PRKACB: variants seen among roughly 807,000 people sequenced by gnomAD.
PRKACB encodes the protein cAMP-dependent protein kinase catalytic subunit beta.
A neutral mutation model predicts 51.4 loss-of-function variants in PRKACB; 16 were observed. The ratio of observed to expected loss-of-function variants is 0.31; its 90% confidence interval spans 0.21 to 0.47. The LOEUF (loss-of-function observed/expected upper bound fraction) is 0.47. Among genes scored for constraint, PRKACB ranks in the 20% least tolerant of loss-of-function variants. The pLI is 1.00. For missense variants in PRKACB, 309 were observed against 464.5 expected, an observed-to-expected ratio of 0.67 and a Z score of 3.08; for synonymous variants, 147 against 154.4, an observed-to-expected ratio of 0.95 and a Z score of 0.35.
chr1:84,202,968 C>A (rs1670561339), intron 8 of PRKACB, among the ~76,000 whole-genome samples, 163 bp downstream of exon 8: 1 of 151,730 alleles, frequency 6.6e-6, no homozygotes, highest in South Asian at 2.1e-4. Flanking sequence ...TCATTTCAGT[C>A]TCTTAAGAAA....
chr1:84,143,742 G>A (rs1653669733), upstream of PRKACB, among the ~76,000 whole-genome samples: 1 of 152,134 alleles, frequency 6.6e-6, no homozygotes, highest in African/African-American at 2.4e-5. Context: ...GTTCCTGTAT[G>A]TATTAGGCCT....
chr1:84,106,710 T>C (rs1649779288), intron 1 of PRKACB, among the ~76,000 whole-genome samples: 1 of 152,146 alleles, frequency 6.6e-6, no homozygotes, highest in African/African-American at 2.4e-5. Flanking sequence ...ATGCTATTTC[T>C]ATCAAACTAC....
chr1:84,084,997 A>G (rs1647850124), intron 1 of PRKACB, among the ~76,000 whole-genome samples: 1 of 152,202 alleles, frequency 6.6e-6, no homozygotes, highest in Non-Finnish European at 1.5e-5. Flanking sequence ...AAACTATGGA[A>G]ACTATAACAT....
intron 5 of PRKACB, among the ~76,000 whole-genome samples, chr1:84,189,161 C>A (rs1253048602): frequency 1.3e-5 from 2 of 151,608 alleles, no homozygotes; most frequent in African/African-American, 4.8e-5. Context: ...AAAAAAATTA[C>A]CAATCATCTG....
At chr1:84,159,077 C>T (rs1165885285) in intron 1 of PRKACB, among the ~76,000 whole-genome samples, 3 of 152,092 alleles carry the variant, frequency 2.0e-5, no homozygotes, top group Non-Finnish European at 4.4e-5. Flanking sequence ...GTAAGTCCTC[C>T]AACTTTGTTC....
rs762057933 is a variant in PRKACB at position 84,235,191 on chromosome 1, A to T, written c.1083A>T (p.Pro361=). 2 of 1,613,402 alleles carry T rather than the reference A, an allele frequency of 1.2e-6. No homozygotes were observed. The highest frequency in any genetic ancestry group is 1.3e-5 in the African/African-American group (1 of 74,822). ...CCTCTCAATTATAGGTTGAAGCTCC[A>T]TTCATACCAAAGTTTAGAGGCTCTG... ...IAIYQRKVEA[P]FIPKFRGSGD... The change falls in exon 10 of 10, where the codon CCA becomes CCT. Residue 361 remains proline, a synonymous_variant. Coordinates refer to ENST00000370685, the MANE Select transcript of PRKACB (RefSeq NM_182948.4).
intron 1 of PRKACB, among the ~76,000 whole-genome samples, chr1:84,087,754 A>T (rs925918827): frequency 6.6e-6 from 1 of 152,114 alleles, no homozygotes; most frequent in Non-Finnish European, 1.5e-5. Context: ...TATTTATAAG[A>T]TAAGTCTTCT....
At chr1:84,166,374 G>A (rs1460471606) in intron 1 of PRKACB, among the ~76,000 whole-genome samples, 1 of 151,632 alleles carries the variant, frequency 6.6e-6, no homozygotes, top group East Asian at 1.9e-4. Flanking sequence ...AGAATCTTTA[G>A]GTAACCACCA....
intron 1 of PRKACB, among the ~76,000 whole-genome samples, chr1:84,114,837 G>A (rs1444743673): frequency 1.3e-5 from 2 of 152,094 alleles, no homozygotes; most frequent in East Asian, 1.9e-4. Context: ...ATGACCTCCA[G>A]TTCTAGCCAT....
At chr1:84,172,523 T>A (rs1659853227) in intron 1 of PRKACB, among the ~76,000 whole-genome samples, 1 of 151,802 alleles carries the variant, frequency 6.6e-6, no homozygotes, top group South Asian at 2.1e-4. Flanking sequence ...AGAGAAGGCA[T>A]GTACATATGA....
chr1:84,096,404 T>C (rs1648930166), intron 1 of PRKACB, among the ~76,000 whole-genome samples: 1 of 152,150 alleles, frequency 6.6e-6, no homozygotes, highest in Non-Finnish European at 1.5e-5. Flanking sequence ...GTACAGAATG[T>C]TGGGATTTTT....
chr1:84,171,950 T>G (rs930163900), intron 1 of PRKACB, among the ~76,000 whole-genome samples: 1 of 151,658 alleles, frequency 6.6e-6, no homozygotes, highest in African/African-American at 2.4e-5. Context: ...AGAACCTAGG[T>G]ATAAATCTAA....
In PRKACB at chr1:84,151,594, A is replaced by G. The variant is rs116460965; in HGVS notation, c.187+7046A>G. On this transcript the variant is annotated intron_variant, in intron 1 of 9. Transcript: ENST00000370685. ...AAACCTTGTTACTGCTTTACCAACT[A>G]AGTTGATGTAATATTCTAAATTCTC... is the stretch of plus-strand genomic sequence containing the variant. Among the ~76,000 whole-genome samples the G allele has an allele frequency of 1.0e-2, 1,517 of 152,328 alleles. 14 individuals are homozygous for G. Among genetic ancestry groups the G allele is most frequent in the Non-Finnish European group, 0.015 (1,047 of 68,030 alleles).
intron 1 of PRKACB, among the ~76,000 whole-genome samples, chr1:84,114,631 G>A (rs987016703): frequency 1.3e-5 from 2 of 152,016 alleles, no homozygotes; most frequent in African/African-American, 4.8e-5. Context: ...CCATTTTACT[G>A]TATGGTTGTA....
Position 84,197,742 on chromosome 1 carries a change from G to T in PRKACB, c.701G>T (p.Gly234Val). The change falls in exon 7 of 10, where the codon GGG becomes GTG. Residue 234 changes from glycine (G) to valine (V), a missense_variant. Transcript: ENST00000370685. The part of the protein sequence containing the change: ...HQGYIQVTDF[G>V]FAKRVKGRTW... The stretch of plus-strand genomic sequence containing the variant: ...TTTCTTTTATAGGTCACAGACTTTG[G>T]GTTTGCCAAAAGAGTTAAAGGCAGA... 1 of 1,608,640 alleles carries T rather than the reference G, an allele frequency of 6.2e-7. No homozygotes were observed. Among genetic ancestry groups the T allele is most frequent in the South Asian group, 1.1e-5 (1 of 90,740 alleles).
intron 7 of PRKACB, among the ~76,000 whole-genome samples, chr1:84,202,006 A>G (rs932253760): frequency 5.3e-5 from 8 of 152,098 alleles, no homozygotes; most frequent in African/African-American, 1.9e-4. Flanking sequence ...CATTTGATAC[A>G]GTCCTCACAA....
At chr1:84,098,637 A>G (rs1370079250) in intron 1 of PRKACB, among the ~76,000 whole-genome samples, 3 of 152,100 alleles carry the variant, frequency 2.0e-5, no homozygotes, top group African/African-American at 7.2e-5. Flanking sequence ...AGATAACAGT[A>G]AATATACTCT....
At chr1:84,123,236 G>T (rs895915380) in intron 1 of PRKACB, among the ~76,000 whole-genome samples, 18 of 152,168 alleles carry the variant, frequency 1.2e-4, no homozygotes, top group Admixed American at 5.9e-4. Flanking sequence ...TGGAGTTGTA[G>T]TTAATTTTGA....
At chr1:84,132,712 A>G (rs1652366903) in intron 1 of PRKACB, among the ~76,000 whole-genome samples, 1 of 152,308 alleles carries the variant, frequency 6.6e-6, no homozygotes, top group South Asian at 2.1e-4. Context: ...TGCTAGGCAT[A>G]AAAAACACTA....
Sources: allele counts gnomAD v4.1 joint callset (sites outside exome capture counted in the v4.1 genomes callset), GRCh38; gene constraint gnomAD v4.1.1; transcripts MANE v1.5; gene names NCBI Gene and HGNC (gene_info 2026-07-23, HGNC 2026-07-21).